The following CCNB3 variants were observed in gnomAD, a reference collection of about 807,000 sequenced individuals.
The protein encoded by CCNB3 is cyclin B3.
Under a neutral mutation model 68.0 loss-of-function variants are expected in CCNB3, and 12 were observed. The observed-to-expected ratio is 0.18, with a 90% CI of 0.11 to 0.29. The LOEUF is 0.29. Among genes scored for constraint, CCNB3 ranks in the 10% least tolerant of loss-of-function variants. The probability of loss-of-function intolerance (pLI) is 1.00; values close to 1 mark genes in which losing one functional copy is unlikely to be tolerated. For missense variants in CCNB3, 904 were observed against 993.1 expected, an observed-to-expected ratio of 0.91 and a Z score of 1.21; for synonymous variants, 354 against 388.9, an observed-to-expected ratio of 0.91 and a Z score of 1.06.
rs184079979 is a variant in CCNB3, at chrX:50,334,873, T to C, written c.3517-7329T>C. Among the ~76,000 whole-genome samples the C allele has an allele frequency of 1.7e-4, 19 of 112,255 alleles. No homozygotes were observed. In the East Asian group the frequency reaches 4.8e-3, roughly 28 times the overall value. On this transcript the variant is annotated intron_variant, in intron 8 of 12. Transcript: ENST00000376042. ...CACAGCTCCTAGGAATTCCCTTACT[T>C]GCCTTCTGGTTTTAGGTTCCGGTAG...
In CCNB3 at chrX:50,346,668, G is replaced by A. The variant is rs201488068; in HGVS notation, c.3671G>A (p.Arg1224His). 60 of 1,208,839 alleles carry A rather than the reference G, an allele frequency of 5.0e-5. No individual in the cohort carries two copies. The East Asian group carries it at 8.9e-4, about 18-fold the overall frequency. ...CACCCATAGGAGCACAACTCACCTC[G>A]TGTGGATGACTTTGTGTACATCTGT... Reference protein sequence around the residue: ...AAKFEEHNSPRVDDFVYICDD... With the variant: ...AAKFEEHNSPHVDDFVYICDD... Residue 1224 changes from arginine to histidine, a missense_variant, in exon 10 of 13, where the codon CGT (arginine) becomes CAT (histidine). By Grantham distance (29) the Arg-to-His change is conservative. Transcript: ENST00000376042.
chrX:50,308,706 A>G lies in CCNB3; in HGVS notation c.537A>G (p.Lys179=), dbSNP rs1557213906. 10 of 1,209,582 alleles carry G rather than the reference A, an allele frequency of 8.3e-6. No individual in the cohort carries two copies. The highest frequency in any genetic ancestry group is 1.1e-5 in the Non-Finnish European group (10 of 894,871). Residue 179 remains lysine, a synonymous_variant, in exon 6 of 13, where the codon AAA becomes AAG. Coordinates refer to ENST00000376042, the MANE Select transcript of CCNB3 (RefSeq NM_033031.3). ...ETLINKSLSL[K]KCSNHEEVSL... ...TTATCAATAAGTCATTATCTTTAAA[A>G]AAGTGCTCAAATCATGAGGAGGTGT...
chrX:50,308,484 C>A (rs782059066), intron 5 of CCNB3, 21 bp from the exon 6 acceptor site: 2 of 1,060,413 alleles, frequency 1.9e-6, no homozygotes, highest in Non-Finnish European at 2.6e-6. Flanking sequence ...TTTTCTTACC[C>A]AGACATTGTT....
intron 8 of CCNB3, 144 bp from the exon 9 acceptor site, chrX:50,342,058 G>A: frequency 1.6e-6 from 1 of 623,123 alleles, no homozygotes. Flanking sequence ...GAACCTAGCT[G>A]AAGCAGTTTC....
At chrX:50,348,462 T>TAA (rs2147106563) in intron 11 of CCNB3, among the ~76,000 whole-genome samples, 1 of 111,548 alleles carries the variant, frequency 9.0e-6, no homozygotes, top group East Asian at 2.8e-4. Context: ...TCCTCCTACC[T>TAA]AAAAATCCTG....
At position 50,312,608 on chromosome X, in the gene CCNB3, C is replaced by A. The variant is rs1921525288; in HGVS notation, c.3399C>A (p.Ile1133=). 1 of 1,199,129 alleles carries A rather than the reference C, an allele frequency of 8.3e-7. No homozygotes were observed. Among genetic ancestry groups the A allele is most frequent in the South Asian group, 1.8e-5 (1 of 55,537 alleles). ...TCAACCCAATGTATGCCAAGGAAAT[C>A]TTCAGTTACATGAAAGAGAGAGAGG... ...PSFNPMYAKE[I]FSYMKEREEQ... The change falls in exon 7 of 13, where the codon ATC becomes ATA. Residue 1133 remains isoleucine, a synonymous_variant. Transcript: ENST00000376042.
chrX:50,291,168 T>C (rs1405320702), intron 4 of CCNB3, among the ~76,000 whole-genome samples: 8 of 112,036 alleles, frequency 7.1e-5, no homozygotes, highest in Admixed American at 6.7e-4. Flanking sequence ...TGCCTTATCA[T>C]TTCTAGCATG....
At chrX:50,206,242 A>AAAAT (rs781814595) in intron 1 of CCNB3, among the ~76,000 whole-genome samples, 2,833 of 108,560 alleles carry the variant, frequency 0.026, 44 homozygotes, top group Non-Finnish European at 0.038. Context: ...ATTCCATCTC[A>AAAAT]AAATAAATAA....
chrX:50,281,342 T>G (rs1459310314), intron 1 of CCNB3, among the ~76,000 whole-genome samples: 2 of 110,359 alleles, frequency 1.8e-5, no homozygotes, highest in Non-Finnish European at 3.8e-5. Context: ...TGAGACGGAC[T>G]CGAGTCGCTA....
At chrX:50,335,724 A>C (rs1922818093) in intron 8 of CCNB3, among the ~76,000 whole-genome samples, 1 of 111,375 alleles carries the variant, frequency 9.0e-6, no homozygotes, top group Admixed American at 9.5e-5. Context: ...GCTCGGTCAG[A>C]AAAAGTCTCC....
At position 50,346,692 on chromosome X, in the gene CCNB3, G is replaced by T; in HGVS notation, c.3695G>T (p.Cys1232Phe). ...CGTGTGGATGACTTTGTGTACATCT[G>T]TGATGATAATTATCAGCGATCTGAG... ...SPRVDDFVYICDDNYQRSEVL... is the reference protein window; with the variant it reads ...SPRVDDFVYIFDDNYQRSEVL... Residue 1232 changes from cysteine to phenylalanine, a missense_variant, in exon 10 of 13, where the codon TGT becomes TTT. Physicochemically the swap from Cys to Phe is radical, Grantham distance 205 (BLOSUM62 -2). Transcript: ENST00000376042. 1 of 1,211,387 alleles carries T rather than the reference G, an allele frequency of 8.3e-7. No homozygotes were observed. Among genetic ancestry groups the T allele is most frequent in the South Asian group, 1.8e-5 (1 of 56,927 alleles).
intron 5 of CCNB3, among the ~76,000 whole-genome samples, chrX:50,304,262 T>C (rs1242220185): frequency 9.0e-6 from 1 of 111,653 alleles, no homozygotes; most frequent in Non-Finnish European, 1.9e-5. Flanking sequence ...AATTGGGAAG[T>C]GTGACTCCTC....
intron 8 of CCNB3, among the ~76,000 whole-genome samples, chrX:50,318,790 A>C (rs1921873487): frequency 9.0e-6 from 1 of 111,547 alleles, no homozygotes; most frequent in South Asian, 3.8e-4. Context: ...CCCGAATGTT[A>C]ATTGTGGCTT....
intron 1 of CCNB3, among the ~76,000 whole-genome samples, chrX:50,224,093 G>A (rs1460495285): frequency 1.8e-5 from 2 of 110,578 alleles, no homozygotes; most frequent in African/African-American, 6.6e-5. Context: ...TGTTTGTTGT[G>A]CCAAATATAA....
chrX:50,309,124 C>G lies in CCNB3; in HGVS notation c.955C>G (p.Pro319Ala). ...TGGAGCAATGTCCTCCATTAAGAAG[C>G]CTACCACTGAGAAGGAGACACTTTT... ...ICGAMSSIKKPTTEKETLFQE... is the reference protein window; with the variant it reads ...ICGAMSSIKKATTEKETLFQE... The change falls in exon 6 of 13, where the codon CCT (proline) becomes GCT (alanine). Residue 319 changes from proline (P) to alanine (A), a missense_variant. Coordinates refer to ENST00000376042, the MANE Select transcript of CCNB3 (RefSeq NM_033031.3). 1 of 1,210,591 alleles carries G rather than the reference C, an allele frequency of 8.3e-7. No individual in the cohort carries two copies. Among genetic ancestry groups the G allele is most frequent in the South Asian group, 1.8e-5 (1 of 56,905 alleles).
intron 8 of CCNB3, among the ~76,000 whole-genome samples, chrX:50,322,796 C>CA (rs1922095510): frequency 9.0e-6 from 1 of 111,670 alleles, no homozygotes; most frequent in African/African-American, 3.3e-5. Context: ...GACATTTATG[C>CA]AGCCAAAAAA....
At chrX:50,280,234 T>C (rs1936109641) in intron 1 of CCNB3, among the ~76,000 whole-genome samples, 1 of 82,950 alleles carries the variant, frequency 1.2e-5, no homozygotes, top group South Asian at 5.2e-4. Flanking sequence ...TAAATATATG[T>C]ATAGAATATA....
chrX:50,331,452 G>GGGTGAGTGAATTCTTTTCCCT (rs1471450187), intron 8 of CCNB3, among the ~76,000 whole-genome samples: 1 of 111,777 alleles, frequency 8.9e-6, no homozygotes, highest in African/African-American at 3.3e-5. Context: ...TCATCCTACG[G>GGGTGAGTGAATTCTTTTCCCT]GGTGAGTGAA....
intron 8 of CCNB3, 197 bp from the exon 9 acceptor site, chrX:50,342,005 T>C (rs1348769440): frequency 7.4e-6 from 3 of 403,560 alleles, no homozygotes; most frequent in Non-Finnish European, 1.3e-5. Context: ...TGTGTAAGGA[T>C]AGATAATGCC....
Sources: gnomAD v4.1 joint callset for allele counts (sites outside exome capture counted in the v4.1 genomes callset) on GRCh38, gnomAD v4.1.1 for gene constraint, MANE v1.5 for transcripts, NCBI Gene and HGNC (gene_info 2026-07-23, HGNC 2026-07-21) for gene names.